The following RICTOR variants were observed in gnomAD, a reference collection of about 807,000 sequenced individuals.
RICTOR encodes rapamycin-insensitive companion of mTOR.
In RICTOR, 49 loss-of-function variants were observed where a neutral mutation model predicts 214.9. That is an observed-to-expected ratio of 0.23 (90% confidence interval 0.18 to 0.29). The LOEUF (loss-of-function observed/expected upper bound fraction) is 0.29. Ranked by LOEUF, RICTOR falls within the 10% of genes least tolerant of loss-of-function variation. The probability of loss-of-function intolerance (pLI) is 1.00; values close to 1 mark genes in which losing one functional copy is unlikely to be tolerated. For synonymous variants in RICTOR, 717 were observed against 711.3 expected (o/e 1.01, Z -0.13); for missense variants, 1,625 against 2,047.0 (o/e 0.79, Z 3.98).
intron 2 of RICTOR, among the ~76,000 whole-genome samples, chr5:39,059,746 G>C (rs1049679815): frequency 6.6e-6 from 1 of 151,728 alleles, no homozygotes; most frequent in Non-Finnish European, 1.5e-5. Flanking sequence ...TTTTTTTCCA[G>C]CTCACATCAA....
intron 14 of RICTOR, 101 bp from the exon 15 acceptor site, chr5:38,966,822 CAA>C: frequency 1.7e-6 from 1 of 584,478 alleles, no homozygotes; most frequent in Admixed American, 3.4e-5. Flanking sequence ...TTTTTTAAGA[CAA>C]GAGGCTTGCT....
intron 2 of RICTOR, among the ~76,000 whole-genome samples, chr5:39,031,882 GC>G (rs1212512281): frequency 6.6e-6 from 1 of 152,112 alleles, no homozygotes; most frequent in African/African-American, 2.4e-5. Flanking sequence ...CATTACTTTT[GC>G]AAAAGCCAGA....
rs113585934 is a variant in RICTOR, at chr5:39,074,361, C to T, written c.17G>A (p.Arg6His). ...TCGGAGGTTCTTCAGAGAGCGGCCG[C>T]GGCCGATCGCCGCCATATTGACGGG... MAAIG[R>H]GRSLKNLRVR... The change falls in exon 1 of 38, where the codon CGC (arginine) becomes CAC (histidine). Residue 6 changes from arginine (R) to histidine (H), a missense_variant. This residue lies in a region of RICTOR where 71 missense variants were observed against 57.9 expected (regional missense o/e 1.23). Coordinates refer to ENST00000357387, the MANE Select transcript of RICTOR (RefSeq NM_152756.5). 6 of 1,537,584 alleles carry T rather than the reference C, an allele frequency of 3.9e-6. No homozygotes were observed. The highest frequency in any genetic ancestry group is 5.3e-6 in the Non-Finnish European group (6 of 1,141,476).
chr5:38,990,501 T>C (rs373953438), intron 7 of RICTOR, among the ~76,000 whole-genome samples: 1 of 55,892 alleles, frequency 1.8e-5, no homozygotes, highest in African/African-American at 5.3e-5. Flanking sequence ...AATACATATA[T>C]ACGATATATA....
intron 2 of RICTOR, among the ~76,000 whole-genome samples, chr5:39,068,000 A>G (rs1561086246): frequency 6.6e-6 from 1 of 152,214 alleles, no homozygotes; most frequent in Non-Finnish European, 1.5e-5. Flanking sequence ...AGATCTAGTG[A>G]AGGGGGAAGA....
intron 32 of RICTOR, 105 bp downstream of exon 32, chr5:38,947,159 C>T: frequency 1.3e-6 from 1 of 769,968 alleles, no homozygotes; most frequent in Non-Finnish European, 2.1e-6. Context: ...ATCATGCTGC[C>T]CCAAACTGGT....
chr5:39,016,416 G>A (rs137959202), intron 3 of RICTOR, among the ~76,000 whole-genome samples: 9 of 151,644 alleles, frequency 5.9e-5, no homozygotes, highest in Admixed American at 2.6e-4. Flanking sequence ...ATGAAGGGGC[G>A]AAAGGAAGAA....
chr5:39,041,672 C>T (rs773923149), intron 2 of RICTOR, among the ~76,000 whole-genome samples: 19 of 152,202 alleles, frequency 1.2e-4, no homozygotes, highest in South Asian at 1.0e-3. Context: ...TATTCACTAA[C>T]AGGGAATCCT....
intron 2 of RICTOR, among the ~76,000 whole-genome samples, chr5:39,050,401 A>G (rs1757762582): frequency 6.6e-6 from 1 of 151,974 alleles, no homozygotes; most frequent in African/African-American, 2.4e-5. Flanking sequence ...CAGTGGCACA[A>G]TCTCGGCTCA....
At chr5:38,985,015 G>A (rs1469300141) in intron 7 of RICTOR, among the ~76,000 whole-genome samples, 2 of 152,074 alleles carry the variant, frequency 1.3e-5, no homozygotes, top group African/African-American at 2.4e-5. Flanking sequence ...CTCCATGTTG[G>A]TTGGCCAGGA....
chr5:39,048,949 C>G (rs1054611082), intron 2 of RICTOR, among the ~76,000 whole-genome samples: 7 of 152,114 alleles, frequency 4.6e-5, no homozygotes, highest in African/African-American at 1.4e-4. Context: ...CAGAGGTAAA[C>G]AGCAAAGAAA....
intron 10 of RICTOR, among the ~76,000 whole-genome samples, chr5:38,972,653 G>C (rs1750881411): frequency 6.6e-6 from 1 of 152,046 alleles, no homozygotes; most frequent in Non-Finnish European, 1.5e-5. Context: ...ATATGCTGAT[G>C]ATGGGAGTAT....
At chr5:38,992,958 T>C (rs1325898882) in intron 6 of RICTOR, among the ~76,000 whole-genome samples, 1 of 152,208 alleles carries the variant, frequency 6.6e-6, no homozygotes, top group East Asian at 1.9e-4. Context: ...GAATATCTAA[T>C]ATTTGAGCTC....
In RICTOR at chr5:39,023,465, C is replaced by T. The variant is rs540898460; in HGVS notation, c.98-2329G>A. ...AAAAATATGCTTCACAAAAACAAGC[C>T]ATGGGCCAGATATGGCCTTATAGGC... On this transcript the variant is annotated intron_variant, in intron 2 of 37. Coordinates refer to ENST00000357387, the MANE Select transcript of RICTOR (RefSeq NM_152756.5). 9.9e-5 allele frequency among the ~76,000 whole-genome samples: 15 copies of T among 152,256 alleles called. No homozygotes were observed. The South Asian group carries it at 2.9e-3, about 29-fold the overall frequency.
intron 2 of RICTOR, among the ~76,000 whole-genome samples, chr5:39,030,912 A>C (rs1378397488): frequency 2.6e-5 from 4 of 152,140 alleles, no homozygotes; most frequent in Non-Finnish European, 5.9e-5. Flanking sequence ...TGTGAAGCAA[A>C]ACACCAAGAG....
chr5:39,073,395 C>G (rs955464087), intron 2 of RICTOR, among the ~76,000 whole-genome samples: 8 of 152,136 alleles, frequency 5.3e-5, no homozygotes, highest in Admixed American at 3.3e-4. Context: ...AAATATCACC[C>G]GAGTTTCCCC....
At chr5:39,047,252 G>T (rs1031545143) in intron 2 of RICTOR, among the ~76,000 whole-genome samples, 7 of 152,108 alleles carry the variant, frequency 4.6e-5, no homozygotes, top group African/African-American at 1.2e-4. Context: ...GGGTCAAGTG[G>T]GGGGGATGGT....
chr5:38,963,965 T>C (rs1221599487), intron 16 of RICTOR, among the ~76,000 whole-genome samples: 1 of 151,798 alleles, frequency 6.6e-6, no homozygotes, highest in Non-Finnish European at 1.5e-5. Context: ...AGAATGAAAA[T>C]TAACAGATTA....
At chr5:38,982,799 C>T (rs975697043) in intron 7 of RICTOR, among the ~76,000 whole-genome samples, 1 of 17,118 alleles carries the variant, frequency 5.8e-5, no homozygotes, top group African/African-American at 1.3e-4. Flanking sequence ...CATATATATA[C>T]ACATACATAT....
Sources: gnomAD v4.1 joint callset for allele counts (sites outside exome capture counted in the v4.1 genomes callset) on GRCh38, gnomAD v4.1.1 for gene constraint, gnomAD v4.1.1 regional missense constraint, MANE v1.5 for transcripts, NCBI Gene and HGNC (gene_info 2026-07-23, HGNC 2026-07-21) for gene names.